RCVRN: variants seen among roughly 807,000 people sequenced by gnomAD.
The protein encoded by RCVRN is recoverin.
In RCVRN, 23 loss-of-function variants were observed where a neutral mutation model predicts 20.4. The ratio of observed to expected loss-of-function variants is 1.13; its 90% confidence interval spans 0.81 to 1.60. The LOEUF is 1.60. RCVRN is among the 40% of genes most tolerant of loss of function. The probability of loss-of-function intolerance (pLI) is 0.00; values close to 1 mark genes in which losing one functional copy is unlikely to be tolerated. For missense variants in RCVRN, 254 were observed against 254.2 expected, an observed-to-expected ratio of 1.00 and a Z score of 0.00; for synonymous variants, 105 against 105.9, an observed-to-expected ratio of 0.99 and a Z score of 0.05.
At chr17:9,902,579 C>G (rs868724918) in intron 1 of RCVRN, among the ~76,000 whole-genome samples, 4 of 143,728 alleles carry the variant, frequency 2.8e-5, no homozygotes, top group Admixed American at 1.4e-4. Context: ...AAAAAAAAAT[C>G]AAATGAAGGA....
In RCVRN at chr17:9,905,055, G is replaced by A. The variant is rs765774925; in HGVS notation, c.126C>T (p.Gly42=). 1.2e-6 allele frequency: 2 copies of A among 1,612,894 alleles called. No individual in the cohort carries two copies. The highest frequency in any genetic ancestry group is 1.7e-6 in the Non-Finnish European group (2 of 1,179,400). ...YQSFLKDCPT[G]RITQQQFQSI... is the part of the protein sequence containing the mutation. ...TCTGGAACTGCTGCTGGGTGATGCG[G>A]CCGGTGGGACAGTCCTTCAGGAAGG... Residue 42 remains glycine (G), a synonymous_variant, in exon 1 of 3, where the codon GGC becomes GGT. Coordinates refer to ENST00000226193, the MANE Select transcript of RCVRN (RefSeq NM_002903.3).
intron 1 of RCVRN, among the ~76,000 whole-genome samples, chr17:9,902,992 GAA>G (rs10604300): frequency 0.52 from 76,899 of 148,334 alleles, 19,597 homozygotes; most frequent in East Asian, 0.56. Flanking sequence ...TCTGTCTGAA[GAA>G]AAAAAAAAAG....
intron 1 of RCVRN, among the ~76,000 whole-genome samples, chr17:9,902,881 C>T (rs921321353): frequency 6.6e-6 from 1 of 152,048 alleles, no homozygotes; most frequent in Non-Finnish European, 1.5e-5. Context: ...CCCAGCTACT[C>T]GTGAGGCTGA....
chr17:9,905,060 TG>T lies in RCVRN; in HGVS notation c.120del (p.Thr41ProfsTer52), dbSNP rs760482801. ...SWYQSFLKDCPTGRITQQQFQ... is the reference protein window; with the variant it reads ...SWYQSFLKDCXTGRITQQQFQ... ...AACTGCTGCTGGGTGATGCGGCCGG[TG>T]GGACAGTCCTTCAGGAAGGACTGGT... On this transcript the variant is annotated frameshift_variant, in exon 1 of 3. Transcript: ENST00000226193. 314 of 1,612,444 alleles carry T rather than the reference TG, an allele frequency of 1.9e-4. No individual in the cohort carries two copies. Among genetic ancestry groups the T allele is most frequent in the Non-Finnish European group, 2.6e-4 (307 of 1,179,320 alleles).
intron 2 of RCVRN, 35 bp from the exon 3 acceptor site, chr17:9,898,239 ACAGT>A (rs2067327408): frequency 7.4e-7 from 1 of 1,351,288 alleles, no homozygotes; most frequent in Non-Finnish European, 1.1e-6. Flanking sequence ...CGTACATAAA[ACAGT>A]CAGGATTGAT....
rs551005446 is a variant in RCVRN, at chr17:9,904,982, G to A, written c.199C>T (p.Gln67Ter). The change falls in exon 1 of 3, where the codon CAG becomes TAG. Residue 67 changes from glutamine (Q) to a stop codon, truncating the protein, a stop_gained. Coordinates refer to ENST00000226193, the MANE Select transcript of RCVRN (RefSeq NM_002903.3). LOFTEE classifies it high-confidence loss of function. The surrounding 1 kb of genome is among the most constrained non-coding windows in gnomAD (Gnocchi z 5.8). ...GAATCGAAGCTGCGGAACACATGCTGGGCGTAGGCCTTGGGGTCGGTGTCG... is the reference window on the plus strand; with the variant it reads ...GAATCGAAGCTGCGGAACACATGCTAGGCGTAGGCCTTGGGGTCGGTGTCG... ...FPDTDPKAYA[Q>*]HVFRSFDSNL... The A allele has an allele frequency of 6.2e-7, 1 of 1,614,210 alleles. No individual in the cohort carries two copies. Among genetic ancestry groups the A allele is most frequent in the African/African-American group, 1.3e-5 (1 of 75,050 alleles).
intron 1 of RCVRN, among the ~76,000 whole-genome samples, chr17:9,902,881 C>G (rs921321353): frequency 3.3e-5 from 5 of 152,048 alleles, no homozygotes; most frequent in African/African-American, 1.2e-4. Flanking sequence ...CCCAGCTACT[C>G]GTGAGGCTGA....
rs2067355376 is a variant in RCVRN, at chr17:9,904,686, C to T, written c.381+114G>A. 1.3e-5 allele frequency: 16 copies of T among 1,246,690 alleles called. No homozygotes were observed. Among genetic ancestry groups the T allele is most frequent in the East Asian group, 4.7e-5 (2 of 42,686 alleles). The allele number at this position is 1,246,690 out of a possible 1,614,324, so 77.2% of individuals were successfully genotyped here. A position where few individuals can be genotyped will look rare whatever the true frequency, so the allele number is the denominator to read the frequency against. On this transcript the variant is annotated intron_variant, in intron 1 of 2. Coordinates refer to ENST00000226193, the MANE Select transcript of RCVRN (RefSeq NM_002903.3). This position sits in a 1 kb window ranked among gnomAD's most constrained non-coding sequence, Gnocchi z 5.8. ...CACCACGCTCTCAGAGCCAGTGGCCCGCATCCCCCGCTCCACCCACAGATC... is the reference window on the plus strand; with the variant it reads ...CACCACGCTCTCAGAGCCAGTGGCCTGCATCCCCCGCTCCACCCACAGATC...
In RCVRN at chr17:9,904,966, C is replaced by T. The variant is rs2067357109; in HGVS notation, c.215G>A (p.Ser72Asn). ...GGTGCCGTCGAGGTTGGAATCGAAG[C>T]TGCGGAACACATGCTGGGCGTAGGC... ...PKAYAQHVFRSFDSNLDGTLD... is the reference protein window; with the variant it reads ...PKAYAQHVFRNFDSNLDGTLD... The change falls in exon 1 of 3, where the codon AGC (serine) becomes AAC (asparagine). Residue 72 changes from serine to asparagine, a missense_variant. Physicochemically the swap from Ser to Asn is conservative, Grantham distance 46 (BLOSUM62 1). Transcript: ENST00000226193. The surrounding 1 kb of genome is among the most constrained non-coding windows in gnomAD (Gnocchi z 5.8). 6.2e-7 allele frequency: 1 copy of T among 1,614,086 alleles called. No homozygotes were observed. The highest frequency in any genetic ancestry group is 1.3e-5 in the African/African-American group (1 of 74,930).
rs189014230 is a variant in RCVRN, at chr17:9,904,028, G to T, written c.381+772C>A. The stretch of plus-strand genomic sequence containing the variant: ...GGCTGAGGCTGGCGGATCGCTGGAG[G>T]TCGGGAGTTTGAGACCAGCCTGACC... On this transcript the variant is annotated intron_variant, in intron 1 of 2. Transcript: ENST00000226193. This position sits in a 1 kb window ranked among gnomAD's most constrained non-coding sequence, Gnocchi z 5.8. Among the ~76,000 whole-genome samples, 2 of 152,294 alleles carry T rather than the reference G, an allele frequency of 1.3e-5. No homozygotes were observed. Among genetic ancestry groups the T allele is most frequent in the Non-Finnish European group, 2.9e-5 (2 of 68,020 alleles).
At position 9,898,308 on chromosome 17, in the gene RCVRN, T is replaced by C. The variant is rs537066044; in HGVS notation, c.494-104A>G. ...CTAGCCAGTATCCCCAGTGTGAATGTATCTATTATAAGAATATTGAATACT... is the reference window on the plus strand; with the variant it reads ...CTAGCCAGTATCCCCAGTGTGAATGCATCTATTATAAGAATATTGAATACT... On this transcript the variant is annotated intron_variant, in intron 2 of 2. Transcript: ENST00000226193. 1.7e-4 allele frequency: 125 copies of C among 741,042 alleles called. No individual in the cohort carries two copies. In the African/African-American group the frequency reaches 2.0e-3, roughly 12 times the overall value. The allele number at this position is 741,042 out of a possible 1,614,324, so 45.9% of individuals were successfully genotyped here.
chr17:9,901,639 T>C (rs1006338625), intron 1 of RCVRN, among the ~76,000 whole-genome samples: 11 of 152,314 alleles, frequency 7.2e-5, no homozygotes, highest in Admixed American at 2.6e-4. Flanking sequence ...AGCCCTGAGC[T>C]GGACGCCAGT....
intron 2 of RCVRN, among the ~76,000 whole-genome samples, chr17:9,900,581 C>T (rs1597415036): frequency 6.6e-6 from 1 of 152,002 alleles, no homozygotes; most frequent in Admixed American, 6.6e-5. Flanking sequence ...AGCCTCCTCT[C>T]GATCCCAGCC....
At chr17:9,900,520 C>CTAA (rs2067337014) in intron 2 of RCVRN, among the ~76,000 whole-genome samples, 30 of 152,148 alleles carry the variant, frequency 2.0e-4, no homozygotes, top group African/African-American at 6.3e-4. Flanking sequence ...CCTTTCTTTC[C>CTAA]CTCTCTCCCT....
intron 1 of RCVRN, among the ~76,000 whole-genome samples, chr17:9,902,147 C>T (rs1001353468): frequency 3.3e-5 from 5 of 151,604 alleles, no homozygotes; most frequent in Non-Finnish European, 7.4e-5. Context: ...CCCTTTCCTC[C>T]TCCTTTTATT....
chr17:9,902,424 T>G (rs1371227621), intron 1 of RCVRN, among the ~76,000 whole-genome samples: 1 of 152,230 alleles, frequency 6.6e-6, no homozygotes, highest in East Asian at 1.9e-4. Context: ...GGAAGATTTT[T>G]GTGCATTTGT....
At chr17:9,898,453 C>G (rs375673194) in intron 2 of RCVRN, among the ~76,000 whole-genome samples, 1 of 152,186 alleles carries the variant, frequency 6.6e-6, no homozygotes, top group Non-Finnish European at 1.5e-5. Context: ...ACTGGGGGGG[C>G]CCCCAAGATG....
chr17:9,900,899 A>T, intron 2 of RCVRN, 90 bp downstream of exon 2: 4 of 810,552 alleles, frequency 4.9e-6, no homozygotes, highest in Non-Finnish European at 8.3e-6. Flanking sequence ...CTGCCTGGAC[A>T]CTGTGACTCA....
intron 2 of RCVRN, among the ~76,000 whole-genome samples, chr17:9,898,952 T>C (rs1334923865): frequency 6.6e-6 from 1 of 152,198 alleles, no homozygotes; most frequent in African/African-American, 2.4e-5. Context: ...TGTATTCAGA[T>C]CAGTCCAGTT....
Sources: gnomAD v4.1 joint callset for allele counts (sites outside exome capture counted in the v4.1 genomes callset) on GRCh38, gnomAD v4.1.1 for gene constraint, Gnocchi (gnomAD v3.1) non-coding constraint, MANE v1.5 for transcripts, NCBI Gene and HGNC (gene_info 2026-07-23, HGNC 2026-07-21) for gene names.